The following KIF16B variants were observed in gnomAD, a reference collection of about 807,000 sequenced individuals.
KIF16B encodes kinesin-like protein KIF16B.
KIF16B carries 98 observed loss-of-function variants against 156.3 expected under a neutral mutation model. The ratio of observed to expected loss-of-function variants is 0.63; its 90% CI spans 0.53 to 0.74. The LOEUF is 0.74. Among genes scored for constraint, KIF16B ranks in the 30% least tolerant of loss-of-function variants. The pLI is 0.00. For missense variants in KIF16B, 1,421 were observed against 1,606.5 expected (o/e 0.88, Z 1.97); for synonymous variants, 564 against 583.7 (o/e 0.97, Z 0.49).
chr20:16,479,343 C>G (rs1310007080), intron 12 of KIF16B, among the ~76,000 whole-genome samples: 4 of 151,994 alleles, frequency 2.6e-5, no homozygotes, highest in Non-Finnish European at 4.4e-5. Context: ...GAACAACACA[C>G]GCTGGGGACT....
At chr20:16,494,981 CA>C (rs1568602830) in intron 11 of KIF16B, among the ~76,000 whole-genome samples, 1 of 152,178 alleles carries the variant, frequency 6.6e-6, no homozygotes, top group African/African-American at 2.4e-5. Flanking sequence ...GAACACAGCA[CA>C]GTTGGAAATT....
chr20:16,367,851 A>G lies in KIF16B; in HGVS notation c.3498+2735T>C, dbSNP rs375393593. Reference sequence around the variant, plus strand: ...GCTGTTGAGAGAGGTATTTGTTGTAACTGAATACAGTGAGCAGAAGACCCT... The same window carrying G: ...GCTGTTGAGAGAGGTATTTGTTGTAGCTGAATACAGTGAGCAGAAGACCCT... On this transcript the variant is annotated intron_variant, in intron 22 of 25. Coordinates refer to ENST00000354981, the MANE Select transcript of KIF16B (RefSeq NM_024704.5). The G allele has an allele frequency of 1.2e-3, 1,934 of 1,595,394 alleles. 5 individuals carry two copies. The highest frequency in any genetic ancestry group is 1.5e-3 in the Non-Finnish European group (1,760 of 1,172,670).
chr20:16,381,620 T>C, intron 18 of KIF16B, 74 bp downstream of exon 18: 3 of 1,110,630 alleles, frequency 2.7e-6, no homozygotes, highest in Non-Finnish European at 4.0e-6. Context: ...CAGACACAGA[T>C]GGAATCAGTC....
At chr20:16,544,876 T>C (rs1600668754) in intron 1 of KIF16B, among the ~76,000 whole-genome samples, 1 of 152,306 alleles carries the variant, frequency 6.6e-6, no homozygotes, top group East Asian at 1.9e-4. Context: ...AATGAATGAA[T>C]GAATGTATAA....
intron 5 of KIF16B, among the ~76,000 whole-genome samples, chr20:16,512,378 C>T (rs1029824766): frequency 1.3e-5 from 2 of 152,074 alleles, no homozygotes; most frequent in South Asian, 2.1e-4. Context: ...TTGAAACTAC[C>T]GAAGAGACTG....
chr20:16,506,135 T>C lies in KIF16B; in HGVS notation c.755A>G (p.Asp252Gly). Reference sequence around the variant, plus strand: ...ATCTGCACGCTCACTTCCGGCAAGATCAACCAAGTGGATCTTACTGACGGT... The same window carrying C: ...ATCTGCACGCTCACTTCCGGCAAGACCAACCAAGTGGATCTTACTGACGGT... ...CETVSKIHLV[D>G]LAGSERADAT... The change falls in exon 8 of 26, where the codon GAT becomes GGT. Residue 252 changes from aspartate (D) to glycine (G), a missense_variant. Transcript: ENST00000354981. 5 of 1,614,128 alleles carry C rather than the reference T, an allele frequency of 3.1e-6. No individual in the cohort carries two copies. The highest frequency in any genetic ancestry group is 4.2e-6 in the Non-Finnish European group (5 of 1,180,000).
rs187248329 is a variant in KIF16B at position 16,499,228 on chromosome 20, C to T, written c.1177-1550G>A. Among the ~76,000 whole-genome samples the T allele has an allele frequency of 1.5e-3, 222 of 152,270 alleles. 4 individuals are homozygous for T. Among genetic ancestry groups the T allele is most frequent in the Middle Eastern group, 0.014 (4 of 294 alleles). On this transcript the variant is annotated intron_variant, in intron 10 of 25. Coordinates refer to ENST00000354981, the MANE Select transcript of KIF16B (RefSeq NM_024704.5). Reference sequence around the variant, plus strand: ...TGCCAAAGGCACATCCTCCAGGGGCCCCACAAGGGACACACCCTGTTACAA... The same window carrying T: ...TGCCAAAGGCACATCCTCCAGGGGCTCCACAAGGGACACACCCTGTTACAA...
intron 15 of KIF16B, 136 bp downstream of exon 15, chr20:16,426,968 T>G (rs2066370790): frequency 1.5e-6 from 1 of 648,104 alleles, no homozygotes; most frequent in Non-Finnish European, 2.5e-6. Context: ...AGAAACAGCC[T>G]ATTGAAGCAA....
intron 21 of KIF16B, 76 bp from the exon 22 acceptor site, chr20:16,370,712 T>G: frequency 5.7e-6 from 6 of 1,050,920 alleles, no homozygotes; most frequent in Non-Finnish European, 8.2e-6. Context: ...CGATTACAAG[T>G]ATTTATGGGA....
intron 25 of KIF16B, among the ~76,000 whole-genome samples, chr20:16,286,423 A>G (rs2063223264): frequency 6.6e-6 from 1 of 152,096 alleles, no homozygotes; most frequent in Non-Finnish European, 1.5e-5. Context: ...GAGTCTGAAA[A>G]AATCTTTGAA....
intron 22 of KIF16B, among the ~76,000 whole-genome samples, chr20:16,369,442 C>A (rs549785547): frequency 7.1e-6 from 1 of 140,626 alleles, no homozygotes; most frequent in Non-Finnish European, 1.5e-5. Flanking sequence ...CTGATTCATA[C>A]ATAGAACATC....
At chr20:16,401,029 T>C (rs191193640) in intron 17 of KIF16B, among the ~76,000 whole-genome samples, 2 of 152,240 alleles carry the variant, frequency 1.3e-5, no homozygotes, top group Admixed American at 1.3e-4. Flanking sequence ...CAACTAAAAT[T>C]GATGGGCAAT....
At chr20:16,552,031 T>A (rs1052684145) in intron 1 of KIF16B, among the ~76,000 whole-genome samples, 2 of 152,246 alleles carry the variant, frequency 1.3e-5, no homozygotes, top group Non-Finnish European at 2.9e-5. Context: ...TGACATCAAA[T>A]GAGCAGTTCT....
Position 16,427,120 on chromosome 20 carries a change from G to A in KIF16B, c.1596C>T (p.Ala532=), listed in dbSNP as rs2066374981. Residue 532 remains alanine, a synonymous_variant, in exon 15 of 26, where the codon GCC becomes GCT. Transcript: ENST00000354981. ...ACCAGATACCTTGATTTAGATGTGT[G>A]GCCTCCACGATCTGAACACCATTCA... is the stretch of plus-strand genomic sequence containing the variant. ...CSVNGVQIVE[A]THLNQGAVIL... 1.9e-6 allele frequency: 3 copies of A among 1,607,138 alleles called. No individual in the cohort carries two copies. The highest frequency in any genetic ancestry group is 1.7e-5 in the Admixed American group (1 of 59,088).
In KIF16B at chr20:16,507,938, G is replaced by A. The variant is rs774718398; in HGVS notation, c.699+20C>T. ...AAAGACCTCAGGGATGGAGCCAGCT[G>A]GTCCCGCAGCAGCCCTTACCTGAGT... On this transcript the variant is annotated intron_variant, in intron 7 of 25. Transcript: ENST00000354981. The A allele has an allele frequency of 3.1e-6, 5 of 1,613,754 alleles. No individual in the cohort carries two copies. In the Admixed American group the frequency reaches 8.3e-5, roughly 27 times the overall value.
At chr20:16,430,432 C>T (rs539464105) in intron 12 of KIF16B, among the ~76,000 whole-genome samples, 4 of 152,190 alleles carry the variant, frequency 2.6e-5, no homozygotes, top group South Asian at 4.2e-4. Flanking sequence ...TGGTCCTCTG[C>T]CTCCTGTGCC....
intron 10 of KIF16B, among the ~76,000 whole-genome samples, chr20:16,502,989 C>G (rs2068668777): frequency 6.6e-6 from 1 of 152,128 alleles, no homozygotes; most frequent in African/African-American, 2.4e-5. Context: ...CCAAGGCGGG[C>G]AGATCACTTG....
At chr20:16,550,978 T>A (rs1262763341) in intron 1 of KIF16B, among the ~76,000 whole-genome samples, 4 of 152,186 alleles carry the variant, frequency 2.6e-5, no homozygotes, top group African/African-American at 9.7e-5. Flanking sequence ...AACACAGGAA[T>A]GAAAATGCTG....
intron 23 of KIF16B, among the ~76,000 whole-genome samples, chr20:16,349,921 G>A (rs1053498465): frequency 3.2e-4 from 49 of 152,328 alleles, no homozygotes; most frequent in African/African-American, 1.1e-3. Flanking sequence ...ACAATGGAAA[G>A]GAGAATGGCT....
Sources: gnomAD v4.1 joint callset for allele counts (sites outside exome capture counted in the v4.1 genomes callset) on GRCh38, gnomAD v4.1.1 for gene constraint, MANE v1.5 for transcripts, NCBI Gene and HGNC (gene_info 2026-07-23, HGNC 2026-07-21) for gene names.